The following BPNT1 variants were observed in gnomAD, a reference collection of about 807,000 sequenced individuals.
BPNT1 encodes 3'(2'),5'-bisphosphate nucleotidase 1.
A neutral mutation model predicts 36.9 loss-of-function variants in BPNT1; 28 were observed. The ratio of observed to expected loss-of-function variants is 0.76; its 90% CI spans 0.56 to 1.04. BPNT1 has a LOEUF of 1.04. BPNT1 is among the 50% of genes least tolerant of loss of function. The probability of loss-of-function intolerance (pLI) is 0.00; values close to 1 mark genes in which losing one functional copy is unlikely to be tolerated. For synonymous variants in BPNT1, 119 were observed against 130.9 expected, an observed-to-expected ratio of 0.91 and a Z score of 0.62; for missense variants, 313 against 372.9, an observed-to-expected ratio of 0.84 and a Z score of 1.32.
intron 2 of BPNT1, among the ~76,000 whole-genome samples, chr1:220,076,287 G>A (rs1664537785): frequency 6.6e-6 from 1 of 151,826 alleles, no homozygotes; most frequent in African/African-American, 2.4e-5. Flanking sequence ...GGATGCCGAG[G>A]TCAGGAGTTT....
rs1662754436 is a variant in BPNT1 at position 220,058,909 on chromosome 1, G to C, written c.862C>G (p.Leu288Val). The C allele has an allele frequency of 2.5e-6, 4 of 1,613,848 alleles. No individual in the cohort carries two copies. The highest frequency in any genetic ancestry group is 3.4e-6 in the Non-Finnish European group (4 of 1,179,874). Residue 288 changes from leucine to valine, a missense_variant, in exon 9 of 9, where the codon CTG (leucine) becomes GTG (valine). By Grantham distance (32) the Leu-to-Val change is conservative. Transcript: ENST00000322067. ...HMNSAGVLAT[L>V]RNYDYYASRV... Reference sequence around the variant, plus strand: ...CTTGCATAGTAGTCATAATTCCTCAGTGTGGCCAGGACTCCTGCAGAGTTC... The same window carrying C: ...CTTGCATAGTAGTCATAATTCCTCACTGTGGCCAGGACTCCTGCAGAGTTC...
chr1:220,089,054 T>TCG (rs1656043317), intron 1 of BPNT1, among the ~76,000 whole-genome samples: 1 of 134,190 alleles, frequency 7.5e-6, no homozygotes. Flanking sequence ...TGAGCCGAGA[T>TCG]TGCACCACTG....
At chr1:220,067,662 C>T (rs916090892) in intron 5 of BPNT1, among the ~76,000 whole-genome samples, 7 of 152,150 alleles carry the variant, frequency 4.6e-5, no homozygotes, top group African/African-American at 1.7e-4. Context: ...ATTTTGCAGC[C>T]ATCATCATCA....
At chr1:220,075,963 C>A (rs1664507409) in intron 2 of BPNT1, among the ~76,000 whole-genome samples, 1 of 152,090 alleles carries the variant, frequency 6.6e-6, no homozygotes, top group Admixed American at 6.6e-5. Flanking sequence ...GGAAAAGGAT[C>A]TGAAAGGAAA....
intron 4 of BPNT1, among the ~76,000 whole-genome samples, chr1:220,071,457 T>C (rs2102686659): frequency 6.6e-6 from 1 of 152,332 alleles, no homozygotes; most frequent in Non-Finnish European, 1.5e-5. Context: ...TTAGATTTTC[T>C]TCCTAAAAGT....
chr1:220,081,181 C>G (rs192763459), intron 1 of BPNT1, among the ~76,000 whole-genome samples: 20 of 152,220 alleles, frequency 1.3e-4, no homozygotes, highest in East Asian at 1.9e-4. Flanking sequence ...GTGATCCCCC[C>G]CCTTGGCCTC....
Position 220,079,755 on chromosome 1 carries a change from G to A in BPNT1, c.92C>T (p.Ala31Val), listed in dbSNP as rs775399802. Residue 31 changes from alanine to valine, a missense_variant, in exon 2 of 9, where the codon GCT becomes GTT. Transcript: ENST00000322067. Reference protein sequence around the residue: ...KAGMIVRRVIAEGDLGIVEKT... With the variant: ...KAGMIVRRVIVEGDLGIVEKT... ...CTCCACAATACCCAGGTCTCCTTCA[G>A]CAATAACACGTCTGACTATCATTCC... 3 of 1,614,130 alleles carry A rather than the reference G, an allele frequency of 1.9e-6. No homozygotes were observed. The highest frequency in any genetic ancestry group is 2.5e-6 in the Non-Finnish European group (3 of 1,180,014).
intron 3 of BPNT1, among the ~76,000 whole-genome samples, chr1:220,073,414 G>A (rs1386528099): frequency 6.6e-6 from 1 of 151,788 alleles, no homozygotes; most frequent in Non-Finnish European, 1.5e-5. Flanking sequence ...TCAGCCTCCT[G>A]AGTAGCTGGG....
At position 220,058,132 on chromosome 1, in the gene BPNT1, C is replaced by T. The variant is rs988605837; in HGVS notation, c.*712G>A. 23 of 949,094 alleles carry T rather than the reference C, an allele frequency of 2.4e-5. No individual in the cohort carries two copies. The highest frequency in any genetic ancestry group is 3.5e-5 in the South Asian group (1 of 28,584). 58.8% of individuals were successfully genotyped at this position (949,094 alleles called of 1,614,324 possible). A position where few individuals can be genotyped will look rare whatever the true frequency, so the allele number is the denominator to read the frequency against. ...CGGAGCTTGCAGTGAGCCGAGATCA[C>T]GCCACTACATTCTAGCCTAGGCTAC... is the stretch of plus-strand genomic sequence containing the variant. On this transcript the variant is annotated 3_prime_UTR_variant, in exon 9 of 9. Coordinates refer to ENST00000322067, the MANE Select transcript of BPNT1 (RefSeq NM_006085.6).
Position 220,058,967 on chromosome 1 carries a change from A to AT in BPNT1, c.803dup (p.Asn268LysfsTer25). 6.2e-7 allele frequency: 1 copy of AT among 1,613,756 alleles called. No individual in the cohort carries two copies. The stretch of plus-strand genomic sequence containing the variant: ...TCACATCCTTGTGGTACTGAAGAAC[A>AT]TTCCCATGGATATCGGTTAACTTGC... On this transcript the variant is annotated frameshift_variant, in exon 9 of 9. Coordinates refer to ENST00000322067, the MANE Select transcript of BPNT1 (RefSeq NM_006085.6). LOFTEE classifies it high-confidence loss of function.
intron 1 of BPNT1, among the ~76,000 whole-genome samples, chr1:220,082,079 T>C (rs866922468): frequency 9.0e-6 from 1 of 110,542 alleles, no homozygotes; most frequent in Non-Finnish European, 1.9e-5. Context: ...TATATATATA[T>C]ATATATAGAG....
At chr1:220,088,478 CAAA>C (rs58383315) in intron 1 of BPNT1, among the ~76,000 whole-genome samples, 3,697 of 65,326 alleles carry the variant, frequency 0.057, 60 homozygotes, top group African/African-American at 0.15. Flanking sequence ...GACTCCGACT[CAAA>C]AAAAAAAAAA....
intron 1 of BPNT1, among the ~76,000 whole-genome samples, chr1:220,087,487 A>G (rs920419351): frequency 6.6e-6 from 1 of 152,082 alleles, no homozygotes; most frequent in Non-Finnish European, 1.5e-5. Flanking sequence ...CCTGGGAGGT[A>G]GAAGTTGCAG....
In BPNT1 at chr1:220,058,992, C is replaced by A. The variant is rs1211599639; in HGVS notation, c.779G>T (p.Gly260Val). 6.2e-7 allele frequency: 1 copy of A among 1,612,646 alleles called. No homozygotes were observed. The highest frequency in any genetic ancestry group is 1.1e-5 in the South Asian group (1 of 90,858). ...ATTCCCATGGATATCGGTTAACTTG[C>A]CTATAGAAAAACATCAATCAATCAA... ...APEVILHAVG[G>V]KLTDIHGNVL... The change falls in exon 9 of 9, where the codon GGC becomes GTC. Residue 260 changes from glycine to valine, a missense_variant and splice_region_variant. Physicochemically the swap from Gly to Val is moderately radical, Grantham distance 109. Transcript: ENST00000322067.
At chr1:220,064,019 T>C (rs1253211930) in intron 6 of BPNT1, among the ~76,000 whole-genome samples, 1 of 152,216 alleles carries the variant, frequency 6.6e-6, no homozygotes, top group Non-Finnish European at 1.5e-5. Context: ...CATATTGTAC[T>C]GAACACCAAA....
intron 6 of BPNT1, among the ~76,000 whole-genome samples, chr1:220,065,159 G>C (rs1663426090): frequency 6.6e-6 from 1 of 152,092 alleles, no homozygotes; most frequent in Non-Finnish European, 1.5e-5. Flanking sequence ...AAAAAATAAA[G>C]GAAAGAAAAC....
intron 1 of BPNT1, among the ~76,000 whole-genome samples, chr1:220,086,652 T>C (rs1424295076): frequency 2.0e-5 from 3 of 151,180 alleles, no homozygotes; most frequent in Non-Finnish European, 4.4e-5. Context: ...CACGGCTCAC[T>C]GCAACCTCCG....
At chr1:220,085,998 GA>G (rs1450415124) in intron 1 of BPNT1, among the ~76,000 whole-genome samples, 2 of 152,186 alleles carry the variant, frequency 1.3e-5, no homozygotes, top group African/African-American at 4.8e-5. Flanking sequence ...AACTTGGCCT[GA>G]TGATAATGTT....
At chr1:220,086,258 G>A (rs1237761221) in intron 1 of BPNT1, among the ~76,000 whole-genome samples, 2 of 152,028 alleles carry the variant, frequency 1.3e-5, no homozygotes, top group Non-Finnish European at 2.9e-5. Context: ...CAGGGCAGTC[G>A]CTAAACTTTT....
Sources: gnomAD v4.1 joint callset for allele counts (sites outside exome capture counted in the v4.1 genomes callset) on GRCh38, gnomAD v4.1.1 for gene constraint, MANE v1.5 for transcripts, NCBI Gene and HGNC (gene_info 2026-07-23, HGNC 2026-07-21) for gene names.